The following CGNL1 variants were observed in gnomAD, a reference collection of about 807,000 sequenced individuals.
The protein encoded by CGNL1 is cingulin-like protein 1.
A neutral mutation model predicts 141.2 loss-of-function variants in CGNL1; 132 were observed. That is an observed-to-expected ratio of 0.93 (90% CI 0.81 to 1.08). The LOEUF is 1.08. Among genes scored for constraint, CGNL1 ranks in the 50% least tolerant of loss-of-function variants. The probability of loss-of-function intolerance (pLI) is 0.00; values close to 1 mark genes in which losing one functional copy is unlikely to be tolerated. For missense variants in CGNL1, 1,870 were observed against 1,588.6 expected (o/e 1.18, Z -3.01); for synonymous variants, 690 against 622.1 (o/e 1.11, Z -1.63).
At chr15:57,402,189 T>C (rs2062667781) in intron 1 of CGNL1, among the ~76,000 whole-genome samples, 1 of 152,170 alleles carries the variant, frequency 6.6e-6, no homozygotes, top group Non-Finnish European at 1.5e-5. Flanking sequence ...GGCTTGGTGC[T>C]CTCCCCATAG....
At chr15:57,421,131 C>A (rs2062910133) in intron 1 of CGNL1, among the ~76,000 whole-genome samples, 1 of 152,130 alleles carries the variant, frequency 6.6e-6, no homozygotes, top group African/African-American at 2.4e-5. Flanking sequence ...TGTGCTCTTA[C>A]CAAGGAAAGG....
chr15:57,393,559 G>A (rs2062566304), intron 1 of CGNL1, among the ~76,000 whole-genome samples: 1 of 152,160 alleles, frequency 6.6e-6, no homozygotes, highest in South Asian at 2.1e-4. Flanking sequence ...GAAATACTTG[G>A]AAGAAAAGTA....
intron 1 of CGNL1, among the ~76,000 whole-genome samples, chr15:57,423,078 C>A (rs2062934053): frequency 1.3e-5 from 2 of 152,122 alleles, no homozygotes; most frequent in South Asian, 2.1e-4. Flanking sequence ...GGTTTGGATT[C>A]TCTTATCAAT....
At chr15:57,535,220 A>C (rs2032195653) in intron 14 of CGNL1, among the ~76,000 whole-genome samples, 1 of 152,200 alleles carries the variant, frequency 6.6e-6, no homozygotes. Context: ...CGTGCCTGCA[A>C]AATATGATGA....
Position 57,528,675 on chromosome 15 carries a change from T to G in CGNL1, c.3061T>G (p.Leu1021Val), listed in dbSNP as rs2031767411. ...CTAGATGCGTCTGATGGAGGAAGAG[T>G]TACGGGACTACCAGAGAGCTCAGGA... Reference protein sequence around the residue: ...QDEMRLMEEELRDYQRAQDEA... With the variant: ...QDEMRLMEEEVRDYQRAQDEA... The change falls in exon 13 of 19, where the codon TTA becomes GTA. Residue 1021 changes from leucine to valine, a missense_variant. By Grantham distance (32) the Leu-to-Val change is conservative (BLOSUM62 1). Coordinates refer to ENST00000281282, the MANE Select transcript of CGNL1 (RefSeq NM_032866.5). The G allele has an allele frequency of 2.5e-6, 4 of 1,613,790 alleles. No individual in the cohort carries two copies. Among genetic ancestry groups the G allele is most frequent in the Non-Finnish European group, 3.4e-6 (4 of 1,179,930 alleles).
At chr15:57,410,727 T>TTG (rs1418516597) in intron 1 of CGNL1, among the ~76,000 whole-genome samples, 1 of 152,194 alleles carries the variant, frequency 6.6e-6, no homozygotes, top group Non-Finnish European at 1.5e-5. Flanking sequence ...ATGCTAAACT[T>TTG]TTGCCTCTTA....
At chr15:57,398,678 T>C (rs1482313128) in intron 1 of CGNL1, among the ~76,000 whole-genome samples, 2 of 152,226 alleles carry the variant, frequency 1.3e-5, no homozygotes. Flanking sequence ...GCTGGCGTCA[T>C]GGTGTAAATT....
In CGNL1 at chr15:57,438,648, C is replaced by T. The variant is rs1295990401; in HGVS notation, c.649C>T (p.Arg217Cys). The change falls in exon 2 of 19, where the codon CGT becomes TGT. Residue 217 changes from arginine to cysteine, a missense_variant. Transcript: ENST00000281282. The stretch of plus-strand genomic sequence containing the variant: ...GGCCAAATCTGGTGTGACAGCTATT[C>T]GTTTATGCAGCTCCGTGGTCATAGA... Reference protein sequence around the residue: ...DPAKSGVTAIRLCSSVVIEDP... With the variant: ...DPAKSGVTAICLCSSVVIEDP... The T allele has an allele frequency of 3.7e-6, 6 of 1,613,994 alleles. No homozygotes were observed. Among genetic ancestry groups the T allele is most frequent in the Middle Eastern group, 1.6e-4 (1 of 6,084 alleles).
At chr15:57,532,739 T>C (rs894443960) in intron 14 of CGNL1, among the ~76,000 whole-genome samples, 9 of 152,232 alleles carry the variant, frequency 5.9e-5, no homozygotes, top group Admixed American at 4.6e-4. Context: ...TACTTTCTGT[T>C]GCACCTAACA....
At chr15:57,519,215 G>A (rs377610993) in intron 10 of CGNL1, among the ~76,000 whole-genome samples, 95 of 152,284 alleles carry the variant, frequency 6.2e-4, no homozygotes, top group African/African-American at 2.0e-3. Context: ...ATTGGCTCTC[G>A]GGATGCTGCT....
At chr15:57,459,259 A>G (rs1415566141) in intron 7 of CGNL1, among the ~76,000 whole-genome samples, 3 of 152,238 alleles carry the variant, frequency 2.0e-5, no homozygotes, top group South Asian at 2.1e-4. Context: ...GTTTATTTAT[A>G]TCTGAACAGA....
intron 1 of CGNL1, chr15:57,396,928 T>G (rs1754303748): frequency 6.6e-6 from 1 of 152,144 alleles, no homozygotes. Context: ...CTCTAGGAGT[T>G]TATAGTCCAG....
At chr15:57,543,807 C>CG in intron 15 of CGNL1, 28 bp downstream of exon 15, 1 of 1,567,328 alleles carries the variant, frequency 6.4e-7, no homozygotes, top group Non-Finnish European at 8.8e-7. Context: ...GTGAGCTGCC[C>CG]CCCCGTCCAT....
intron 13 of CGNL1, among the ~76,000 whole-genome samples, chr15:57,529,363 C>G (rs1167296554): frequency 6.6e-6 from 1 of 152,152 alleles, no homozygotes; most frequent in East Asian, 1.9e-4. Flanking sequence ...GACAGCATAT[C>G]AGAAAGTGCT....
chr15:57,479,586 C>T (rs969045187), intron 8 of CGNL1, among the ~76,000 whole-genome samples: 3 of 152,120 alleles, frequency 2.0e-5, no homozygotes, highest in Admixed American at 6.5e-5. Flanking sequence ...ATCGCTTAAA[C>T]GCAGTAGGTG....
chr15:57,450,593 T>A (rs1420327451), intron 4 of CGNL1, among the ~76,000 whole-genome samples: 1 of 152,182 alleles, frequency 6.6e-6, no homozygotes, highest in African/African-American at 2.4e-5. Flanking sequence ...TGTTTTAATT[T>A]GCAATTTCCT....
intron 13 of CGNL1, among the ~76,000 whole-genome samples, chr15:57,530,999 C>A (rs1003242455): frequency 1.9e-4 from 29 of 152,174 alleles, no homozygotes; most frequent in Admixed American, 1.0e-3. Flanking sequence ...AGGCTGACAA[C>A]CCCCAGTTGT....
chr15:57,524,969 C>A (rs1418491479), intron 12 of CGNL1, among the ~76,000 whole-genome samples: 2 of 152,170 alleles, frequency 1.3e-5, no homozygotes, highest in Non-Finnish European at 2.9e-5. Flanking sequence ...CAGCTTTAAC[C>A]TGACCATTTT....
At chr15:57,531,642 C>G in intron 13 of CGNL1, 48 bp from the exon 14 acceptor site, 1 of 1,237,100 alleles carries the variant, frequency 8.1e-7, no homozygotes, top group Non-Finnish European at 1.2e-6. Context: ...TGCTGTTAAT[C>G]CCGGTCAGTG....
Sources: gnomAD v4.1 joint callset for allele counts (sites outside exome capture counted in the v4.1 genomes callset) on GRCh38, gnomAD v4.1.1 for gene constraint, MANE v1.5 for transcripts, NCBI Gene and HGNC (gene_info 2026-07-23, HGNC 2026-07-21) for gene names.